Variants in SEL1L3 observed in about 807,000 individuals in gnomAD.
The protein encoded by SEL1L3 is SEL1L family member 3, also known as protein sel-1 homolog 3.
Under a neutral mutation model 142.8 loss-of-function variants are expected in SEL1L3, and 76 were observed. The observed-to-expected ratio is 0.53, with a 90% CI of 0.44 to 0.64. The LOEUF (loss-of-function observed/expected upper bound fraction) is 0.64. SEL1L3 is among the 30% of genes least tolerant of loss of function. The probability of loss-of-function intolerance (pLI) is 0.00; values close to 1 mark genes in which losing one functional copy is unlikely to be tolerated. For missense variants in SEL1L3, 1,262 were observed against 1,381.7 expected, an observed-to-expected ratio of 0.91 and a Z score of 1.37; for synonymous variants, 504 against 519.6, an observed-to-expected ratio of 0.97 and a Z score of 0.41.
chr4:25,796,669 G>T lies in SEL1L3; in HGVS notation c.1956+5614C>A, dbSNP rs560407756. 2.6e-5 allele frequency among the ~76,000 whole-genome samples: 4 copies of T among 151,934 alleles called. No homozygotes were observed. The South Asian group carries it at 6.2e-4, about 24-fold the overall frequency. On this transcript the variant is annotated intron_variant, in intron 11 of 23. Transcript: ENST00000399878. ...ATTAGCCAGGCATGGTGGCTCACTT[G>T]TAGTCCCAGCTACTTGGAAGGCTGA...
downstream of SEL1L3, among the ~76,000 whole-genome samples, chr4:25,746,878 C>A (rs985061472): frequency 3.3e-5 from 5 of 151,980 alleles, no homozygotes; most frequent in African/African-American, 9.7e-5. Context: ...TAATACAAGA[C>A]TCTATCCTGT....
chr4:25,739,374 G>A, the SEL1L3 span, among the ~76,000 whole-genome samples: 1 of 151,958 alleles, frequency 6.6e-6, no homozygotes, highest in South Asian at 2.1e-4. Flanking sequence ...GAACTATCTG[G>A]TCCAAAATGT....
chr4:25,805,500 C>A (rs1405894421), intron 9 of SEL1L3, among the ~76,000 whole-genome samples: 3 of 152,188 alleles, frequency 2.0e-5, no homozygotes, highest in Non-Finnish European at 2.9e-5. Context: ...GATGCACGTA[C>A]CCTCAATGAA....
At position 25,748,479 on chromosome 4, in the gene SEL1L3, A is replaced by C; in HGVS notation, c.3345T>G (p.Asp1115Glu). 6.2e-7 allele frequency: 1 copy of C among 1,611,994 alleles called. No homozygotes were observed. Among genetic ancestry groups the C allele is most frequent in the South Asian group, 1.1e-5 (1 of 90,276 alleles). The change falls in exon 24 of 24, where the codon GAT becomes GAG. Residue 1115 changes from aspartate (D) to glutamate (E), a missense_variant. Around this residue, in one of 3 missense-constraint regions of SEL1L3, gnomAD observed 138 missense variants for 129.7 expected, o/e 1.06. Coordinates refer to ENST00000399878, the MANE Select transcript of SEL1L3 (RefSeq NM_015187.5). ...TASPAVTPAA[D>E]ASDQDQPTVT... ...CTGTGGGCTGGTCTTGGTCAGAGGC[A>C]TCTGCAGCTGGAGTCACAGCTGGAC...
rs185703330 is a variant in SEL1L3 at position 25,801,360 on chromosome 4, G to T, written c.1956+923C>A. On this transcript the variant is annotated intron_variant, in intron 11 of 23. Coordinates refer to ENST00000399878, the MANE Select transcript of SEL1L3 (RefSeq NM_015187.5). The stretch of plus-strand genomic sequence containing the variant: ...GGAGGTTGCAGTGAGCCAAGATTGC[G>T]CCACTGCCTTCCAGCCTGGTGGACA... 5.3e-5 allele frequency among the ~76,000 whole-genome samples: 8 copies of T among 152,290 alleles called. No homozygotes were observed. The East Asian group carries it at 1.5e-3, about 29-fold the overall frequency.
rs139815035 is a variant in SEL1L3, at chr4:25,769,885, T to C, written c.2670-2055A>G. On this transcript the variant is annotated intron_variant, in intron 17 of 23. Transcript: ENST00000399878. ...GCTCATGCCTGTAATCCCAGAACTT[T>C]GGGAGGGTGAGGCGGGAAGATCGCT... 3.3e-3 allele frequency among the ~76,000 whole-genome samples: 499 copies of C among 152,230 alleles called. 1 individual carries two copies. The highest frequency in any genetic ancestry group is 0.011 in the African/African-American group (449 of 41,544).
At chr4:25,742,108 G>T in the SEL1L3 span, among the ~76,000 whole-genome samples, 1 of 151,954 alleles carries the variant, frequency 6.6e-6, no homozygotes. Context: ...CACCGTGCCC[G>T]GCCAAATCTT....
At chr4:25,818,515 T>C (rs1006820235) in intron 8 of SEL1L3, among the ~76,000 whole-genome samples, 1 of 152,210 alleles carries the variant, frequency 6.6e-6, no homozygotes, top group Admixed American at 6.5e-5. Flanking sequence ...TTCTACAGAA[T>C]GAGCAGCTGG....
chr4:25,819,209 G>C (rs777507205), intron 8 of SEL1L3, among the ~76,000 whole-genome samples: 21 of 152,246 alleles, frequency 1.4e-4, no homozygotes, highest in African/African-American at 5.1e-4. Context: ...TTTTGTAACT[G>C]ATAAACACCC....
At chr4:25,766,448 A>G (rs1718739265) in intron 19 of SEL1L3, among the ~76,000 whole-genome samples, 1 of 152,076 alleles carries the variant, frequency 6.6e-6, no homozygotes, top group Non-Finnish European at 1.5e-5. Flanking sequence ...TCAAAAAAAA[A>G]AAAAAAAAGG....
At chr4:25,782,152 G>A in intron 15 of SEL1L3, 90 bp downstream of exon 15, 1 of 1,131,418 alleles carries the variant, frequency 8.8e-7, no homozygotes, top group Non-Finnish European at 1.3e-6. Flanking sequence ...TGTGTCTGGG[G>A]TTGGGTCTGG....
downstream of SEL1L3, among the ~76,000 whole-genome samples, chr4:25,745,013 T>TTTTGTTTG (rs150653131): frequency 0.068 from 10,261 of 151,382 alleles, 382 homozygotes; most frequent in African/African-American, 0.099. Flanking sequence ...ACATTAGGGT[T>TTTTGTTTG]TTTGTTTGTT....
chr4:25,849,518 G>A (rs574012869), intron 1 of SEL1L3, among the ~76,000 whole-genome samples: 2 of 152,284 alleles, frequency 1.3e-5, no homozygotes, highest in Admixed American at 6.5e-5. Context: ...AGGTTACCAG[G>A]GCCTAAGGGA....
At chr4:25,825,949 G>A (rs1715069580) in intron 6 of SEL1L3, among the ~76,000 whole-genome samples, 1 of 151,996 alleles carries the variant, frequency 6.6e-6, no homozygotes, top group Admixed American at 6.5e-5. Context: ...TGGGATTACA[G>A]GCATAAGCCA....
At position 25,835,228 on chromosome 4, in the gene SEL1L3, C is replaced by T. The variant is rs756409354; in HGVS notation, c.829G>A (p.Ala277Thr). ...TAATCCATCCTCTGGCGTCGAGTGG[C>T]CTCCAGCTCTCGGTTCCGAAACCTC... ...FPRFRNRELEATRRQRMDYPV... is the reference protein window; with the variant it reads ...FPRFRNRELETTRRQRMDYPV... Residue 277 changes from alanine (A) to threonine (T), a missense_variant, in exon 3 of 24, where the codon GCC becomes ACC. By Grantham distance (58) the Ala-to-Thr change is moderately conservative (BLOSUM62 0). Around this residue, in one of 3 missense-constraint regions of SEL1L3, gnomAD observed 689 missense variants for 692.8 expected, o/e 0.99. Coordinates refer to ENST00000399878, the MANE Select transcript of SEL1L3 (RefSeq NM_015187.5). 1 of 1,614,016 alleles carries T rather than the reference C, an allele frequency of 6.2e-7. No homozygotes were observed. The highest frequency in any genetic ancestry group is 8.5e-7 in the Non-Finnish European group (1 of 1,179,890).
the SEL1L3 span, among the ~76,000 whole-genome samples, chr4:25,714,739 T>C: frequency 4.0e-5 from 6 of 151,890 alleles, no homozygotes; most frequent in Non-Finnish European, 7.4e-5. Flanking sequence ...CCCGGCTAAT[T>C]TTTGTATTTT....
chr4:25,735,652 G>A, the SEL1L3 span, among the ~76,000 whole-genome samples: 10 of 150,780 alleles, frequency 6.6e-5, no homozygotes, highest in Non-Finnish European at 8.8e-5. Flanking sequence ...AACATTTAAC[G>A]TTATAAAATC....
At chr4:25,743,057 A>T (rs1383885717), downstream of SEL1L3, among the ~76,000 whole-genome samples, 2 of 152,158 alleles carry the variant, frequency 1.3e-5, no homozygotes, top group Non-Finnish European at 2.9e-5. Flanking sequence ...AGCAATAGGG[A>T]ATGGTGGTGA....
chr4:25,730,511 C>T, the SEL1L3 span, among the ~76,000 whole-genome samples: 14,457 of 152,122 alleles, frequency 0.095, 834 homozygotes, highest in Middle Eastern at 0.16. Flanking sequence ...CCAACACATA[C>T]GCACAATTCC....
Sources: allele counts gnomAD v4.1 joint callset (sites outside exome capture counted in the v4.1 genomes callset), GRCh38; gene constraint gnomAD v4.1.1; regional missense constraint gnomAD v4.1.1; transcripts MANE v1.5; gene names NCBI Gene and HGNC (gene_info 2026-07-23, HGNC 2026-07-21).